Variants in MYO7B observed in about 807,000 individuals in gnomAD.
The protein encoded by MYO7B is unconventional myosin-VIIb.
MYO7B carries 212 observed loss-of-function variants against 259.7 expected under a neutral mutation model. The observed-to-expected ratio is 0.82, with a 90% CI of 0.73 to 0.91. The LOEUF (loss-of-function observed/expected upper bound fraction) is 0.91, where lower values mean the gene tolerates loss of function less well. MYO7B is among the 40% of genes least tolerant of loss of function. MYO7B has a pLI of 0.00. For missense variants in MYO7B, 2,732 were observed against 2,813.5 expected, an observed-to-expected ratio of 0.97 and a Z score of 0.66; for synonymous variants, 1,197 against 1,166.4, an observed-to-expected ratio of 1.03 and a Z score of -0.54.
rs373101668 is a variant in MYO7B at position 127,607,434 on chromosome 2, C to T, written c.2643+10C>T. On this transcript the variant is annotated intron_variant, in intron 21 of 47. Coordinates refer to ENST00000409816, the MANE Select transcript of MYO7B (RefSeq NM_001393586.1). The surrounding 1 kb of genome is among the most constrained non-coding windows in gnomAD (Gnocchi z 4.4). ...GCAAAGGAAGGCCAATGTAGGTGGT[C>T]ACCTGGCCTCTTGGGCAGGTGGGGC... is the stretch of plus-strand genomic sequence containing the variant. The T allele has an allele frequency of 9.7e-5, 150 of 1,549,900 alleles. No homozygotes were observed. Among genetic ancestry groups the T allele is most frequent in the Middle Eastern group, 5.1e-4 (3 of 5,832 alleles).
At position 127,585,732 on chromosome 2, in the gene MYO7B, C is replaced by T. The variant is rs536084650; in HGVS notation, c.1690+819C>T. On this transcript the variant is annotated intron_variant, in intron 14 of 47. Transcript: ENST00000409816. The surrounding 1 kb of genome is among the most constrained non-coding windows in gnomAD (Gnocchi z 4.3). Reference sequence around the variant, plus strand: ...GGACTCCAGTTCCTCCACATCCTTGCCTACACATGTGATTGTCTGTCTTTG... The same window carrying T: ...GGACTCCAGTTCCTCCACATCCTTGTCTACACATGTGATTGTCTGTCTTTG... Among the ~76,000 whole-genome samples, 3 of 152,336 alleles carry T rather than the reference C, an allele frequency of 2.0e-5. No individual in the cohort carries two copies. The highest frequency in any genetic ancestry group is 4.8e-5 in the African/African-American group (2 of 41,564).
rs763344893 is a variant in MYO7B, at chr2:127,636,763, C to T, written c.6208-31C>T. On this transcript the variant is annotated intron_variant, in intron 46 of 47. Coordinates refer to ENST00000409816, the MANE Select transcript of MYO7B (RefSeq NM_001393586.1). This position sits in a 1 kb window ranked among gnomAD's most constrained non-coding sequence, Gnocchi z 4.5. ...ACACACAGAGCCCGTGCTCTGGAGG[C>T]GTCCGGCCCACCCACCCTCTCTGCC... The T allele has an allele frequency of 6.8e-6, 11 of 1,612,320 alleles. No homozygotes were observed. The highest frequency in any genetic ancestry group is 1.3e-5 in the African/African-American group (1 of 74,890).
chr2:127,574,430 CT>C (rs1255898179), intron 7 of MYO7B, among the ~76,000 whole-genome samples: 1 of 152,170 alleles, frequency 6.6e-6, no homozygotes, highest in Non-Finnish European at 1.5e-5. Context: ...ATCCCAGCTA[CT>C]TGGGAAGCTG....
In MYO7B at chr2:127,632,392, A is replaced by T. The variant is rs1681571798; in HGVS notation, c.5396A>T (p.Lys1799Met). ...CCCGACTGCAGCCGCCGAATCCAGA[A>T]GGTCCTGAGGTGAGCCCAGTGCCTC... ...LAPDCSRRIQ[K>M]VLRTGPRKQP... The change falls in exon 39 of 48, where the codon AAG becomes ATG. Residue 1799 changes from lysine to methionine, a missense_variant. By Grantham distance (95) the Lys-to-Met change is moderately conservative. This residue lies in a region of MYO7B where 821 missense variants were observed against 769.3 expected (regional missense o/e 1.07). Transcript: ENST00000409816. 3.2e-6 allele frequency: 5 copies of T among 1,553,554 alleles called. No homozygotes were observed. In the Admixed American group the frequency reaches 5.6e-5, roughly 18 times the overall value.
intron 40 of MYO7B, among the ~76,000 whole-genome samples, chr2:127,633,894 G>A (rs1389379309): frequency 1.3e-5 from 2 of 152,220 alleles, no homozygotes; most frequent in Non-Finnish European, 2.9e-5. Context: ...TTTTGGCCTT[G>A]ATATTCGGGT....
chr2:127,603,944 C>T (rs188927581), intron 19 of MYO7B, among the ~76,000 whole-genome samples: 2 of 149,518 alleles, frequency 1.3e-5, no homozygotes, highest in Non-Finnish European at 3.0e-5. Flanking sequence ...CCAGCCTGGC[C>T]AATATGGTGA....
chr2:127,546,867 C>T lies in MYO7B; in HGVS notation c.-24+11036C>T, dbSNP rs1187770634. On this transcript the variant is annotated intron_variant, in intron 1 of 47. Coordinates refer to ENST00000409816, the MANE Select transcript of MYO7B (RefSeq NM_001393586.1). The surrounding 1 kb of genome is among the most constrained non-coding windows in gnomAD (Gnocchi z 4.2). ...ACCAATCTATCCACCCATTCACTTA[C>T]CCAATCCAACCATTAATCCATCCAC... Among the ~76,000 whole-genome samples the T allele has an allele frequency of 6.6e-6, 1 of 151,706 alleles. No homozygotes were observed. Among genetic ancestry groups the T allele is most frequent in the East Asian group, 1.9e-4 (1 of 5,154 alleles).
In MYO7B at chr2:127,596,568, AC is replaced by A; in HGVS notation, c.2339+16del. 6.4e-7 allele frequency: 1 copy of A among 1,556,430 alleles called. No individual in the cohort carries two copies. The highest frequency in any genetic ancestry group is 1.1e-5 in the South Asian group (1 of 88,080). On this transcript the variant is annotated intron_variant, in intron 19 of 47. Coordinates refer to ENST00000409816, the MANE Select transcript of MYO7B (RefSeq NM_001393586.1). ...GGCTACAGATACAGGTGCCGGCCCC[AC>A]CCCAAGGCCCACCCAGCCTACTCCT...
At chr2:127,587,960 T>C (rs2104955125) in intron 14 of MYO7B, among the ~76,000 whole-genome samples, 1 of 152,360 alleles carries the variant, frequency 6.6e-6, no homozygotes, top group South Asian at 2.1e-4. Context: ...AAAGGCCCTA[T>C]GTCCACACAC....
intron 29 of MYO7B, among the ~76,000 whole-genome samples, chr2:127,623,626 C>T (rs1680955880): frequency 6.6e-6 from 1 of 152,192 alleles, no homozygotes. Flanking sequence ...GCATGCACAC[C>T]TGGTCCCCCA....
intron 1 of MYO7B, among the ~76,000 whole-genome samples, chr2:127,553,089 G>T (rs146279132): frequency 6.6e-6 from 1 of 152,188 alleles, no homozygotes; most frequent in Non-Finnish European, 1.5e-5. Context: ...CATCAAAGCC[G>T]TTGTCAAAGT....
intron 6 of MYO7B, among the ~76,000 whole-genome samples, chr2:127,571,645 T>G (rs746578880): frequency 1.3e-5 from 2 of 151,568 alleles, no homozygotes; most frequent in Non-Finnish European, 2.9e-5. Flanking sequence ...CACGCCCAGT[T>G]AATTTTGTAT....
At chr2:127,583,135 A>T (rs1278771317) in intron 12 of MYO7B, among the ~76,000 whole-genome samples, 6 of 152,220 alleles carry the variant, frequency 3.9e-5, no homozygotes, top group Non-Finnish European at 8.8e-5. Flanking sequence ...GAGCCAGCTC[A>T]CTGAAAGGGC....
At chr2:127,581,317 G>T (rs1679090149) in intron 10 of MYO7B, among the ~76,000 whole-genome samples, 1 of 152,222 alleles carries the variant, frequency 6.6e-6, no homozygotes, top group South Asian at 2.1e-4. Flanking sequence ...AGGAAGGGCT[G>T]CAGGCCCTGA....
rs765660106 is a variant in MYO7B at position 127,569,928 on chromosome 2, A to T, written c.592+18A>T. On this transcript the variant is annotated intron_variant, in intron 6 of 47. Coordinates refer to ENST00000409816, the MANE Select transcript of MYO7B (RefSeq NM_001393586.1). The stretch of plus-strand genomic sequence containing the variant: ...CCTGGAGGGTAAGCATCACTCTGGG[A>T]CCCGCCCTTCTCCCCCAGCCCCCCT... The T allele has an allele frequency of 1.9e-6, 3 of 1,601,214 alleles. No homozygotes were observed. In the East Asian group the frequency reaches 6.7e-5, roughly 36 times the overall value.
At chr2:127,620,185 TGA>T (rs1680772195) in intron 26 of MYO7B, 153 bp from the exon 27 acceptor site, 1 of 821,206 alleles carries the variant, frequency 1.2e-6, no homozygotes, top group Non-Finnish European at 1.9e-6. Context: ...GGCACTGTCC[TGA>T]GAGAGGAGGA....
At chr2:127,575,818 A>G (rs1010045775) in intron 7 of MYO7B, among the ~76,000 whole-genome samples, 44 of 152,186 alleles carry the variant, frequency 2.9e-4, no homozygotes, top group South Asian at 2.3e-3. Flanking sequence ...GTGAGGTCTC[A>G]CTATATTGCC....
chr2:127,555,607 T>C (rs1344461331), intron 1 of MYO7B, among the ~76,000 whole-genome samples: 2 of 152,224 alleles, frequency 1.3e-5, no homozygotes, highest in Non-Finnish European at 2.9e-5. Flanking sequence ...ACTATTATCG[T>C]TCAGTTTGAA....
chr2:127,543,402 C>T (rs914619331), intron 1 of MYO7B, among the ~76,000 whole-genome samples: 2 of 152,072 alleles, frequency 1.3e-5, no homozygotes, highest in Non-Finnish European at 2.9e-5. Context: ...CATGTTTCTG[C>T]GAGCACAGGG....
Sources: allele counts gnomAD v4.1 joint callset (sites outside exome capture counted in the v4.1 genomes callset), GRCh38; gene constraint gnomAD v4.1.1; regional missense constraint gnomAD v4.1.1; non-coding constraint Gnocchi (gnomAD v3.1); transcripts MANE v1.5; gene names NCBI Gene and HGNC (gene_info 2026-07-23, HGNC 2026-07-21).